ERBIN: variants seen among roughly 807,000 people sequenced by gnomAD.
The protein encoded by ERBIN is densin-180-like protein.
In ERBIN, 60 loss-of-function variants were observed where a neutral mutation model predicts 158.4. That is an observed-to-expected ratio of 0.38 (90% confidence interval 0.31 to 0.47). ERBIN has a LOEUF of 0.47. ERBIN is among the 20% of genes least tolerant of loss of function. The pLI is 0.99. For synonymous variants in ERBIN, 594 were observed against 557.2 expected (o/e 1.07, Z -0.93); for missense variants, 1,610 against 1,648.0 (o/e 0.98, Z 0.40).
chr5:66,004,566 T>A lies in ERBIN; in HGVS notation c.308-7483T>A, dbSNP rs565483765. On this transcript the variant is annotated intron_variant, in intron 4 of 25. Transcript: ENST00000284037. ...GGTGCAGGCCACCATATCTGGCTAA[T>A]TTTTTTTGGTATTTTCAGTTTACAC... is the stretch of plus-strand genomic sequence containing the variant. Among the ~76,000 whole-genome samples the A allele has an allele frequency of 9.9e-5, 15 of 152,102 alleles. No homozygotes were observed. The South Asian group carries it at 1.0e-3, about 11-fold the overall frequency.
At chr5:66,016,997 A>G (rs1206310641) in intron 7 of ERBIN, among the ~76,000 whole-genome samples, 3 of 151,966 alleles carry the variant, frequency 2.0e-5, no homozygotes, top group Non-Finnish European at 4.4e-5. Context: ...ACTTAATGTA[A>G]TGACCTCCTG....
In ERBIN at chr5:66,080,565, G is replaced by A. The variant is rs951233182; in HGVS notation, c.*2035G>A. The A allele has an allele frequency of 1.3e-5, 2 of 150,714 alleles. No individual in the cohort carries two copies. The highest frequency in any genetic ancestry group is 4.9e-5 in the African/African-American group (2 of 41,098). The allele number at this position is 150,714 out of a possible 1,614,324, so 9.3% of individuals were successfully genotyped here. On this transcript the variant is annotated 3_prime_UTR_variant, in exon 26 of 26. Transcript: ENST00000284037. ...AGTTTGTTTTTAAATATTAATTTTG[G>A]CATTCTAAAATAGCTAACATTTCTT...
intron 1 of ERBIN, among the ~76,000 whole-genome samples, chr5:65,986,579 T>A (rs1642696242): frequency 6.6e-6 from 1 of 152,250 alleles, no homozygotes; most frequent in South Asian, 2.1e-4. Flanking sequence ...AACACATAAA[T>A]GGATATTACT....
chr5:65,984,784 A>G (rs1038735062), intron 1 of ERBIN: 1 of 152,188 alleles, frequency 6.6e-6, no homozygotes, highest in Admixed American at 6.5e-5. Flanking sequence ...ATGCTAATCC[A>G]TGAAGGTGAC....
At chr5:65,988,211 AG>A (rs60672063) in intron 1 of ERBIN, among the ~76,000 whole-genome samples, 6,093 of 152,196 alleles carry the variant, frequency 0.04, 414 homozygotes, top group African/African-American at 0.14. Context: ...TCTCTAAAAA[AG>A]TTTTTTTAAA....
At chr5:66,044,465 TCCTATAAGAGTA>T in intron 17 of ERBIN, among the ~76,000 whole-genome samples, 155 bp downstream of exon 17, 1 of 152,192 alleles carries the variant, frequency 6.6e-6, no homozygotes, top group Non-Finnish European at 1.5e-5. Flanking sequence ...ATGATGGTGG[TCCTATAAGAGTA>T]TAAGGGGCTG....
chr5:65,978,008 T>G (rs1750220873), intron 1 of ERBIN, among the ~76,000 whole-genome samples: 1 of 139,428 alleles, frequency 7.2e-6, no homozygotes, highest in Non-Finnish European at 1.6e-5. Flanking sequence ...ATTTCTAGGT[T>G]GGAAACAATG....
chr5:66,036,712 A>T (rs1757432881), intron 14 of ERBIN, among the ~76,000 whole-genome samples: 1 of 152,228 alleles, frequency 6.6e-6, no homozygotes, highest in Non-Finnish European at 1.5e-5. Context: ...GACCTGTCAT[A>T]GTGCTTTGCA....
At chr5:66,046,676 A>G (rs1004352946) in intron 18 of ERBIN, 138 bp downstream of exon 18, 1 of 644,434 alleles carries the variant, frequency 1.6e-6, no homozygotes, top group Non-Finnish European at 2.5e-6. Context: ...ATCTGCAAAA[A>G]TATCACTCAC....
chr5:65,927,887 G>A (rs189991735), intron 1 of ERBIN, among the ~76,000 whole-genome samples: 1 of 152,160 alleles, frequency 6.6e-6, no homozygotes, highest in Non-Finnish European at 1.5e-5. Context: ...TGGTGTTTTA[G>A]TCTTTTTCTG....
intron 2 of ERBIN, among the ~76,000 whole-genome samples, chr5:65,991,203 C>G (rs985953021): frequency 3.9e-5 from 6 of 152,208 alleles, no homozygotes; most frequent in African/African-American, 1.4e-4. Context: ...GGAAAAATCA[C>G]TAATACCAGA....
At chr5:66,011,227 G>A (rs1754162241) in intron 4 of ERBIN, among the ~76,000 whole-genome samples, 1 of 152,164 alleles carries the variant, frequency 6.6e-6, no homozygotes, top group South Asian at 2.1e-4. Flanking sequence ...AACAGGATAG[G>A]TGCAGGAAAG....
chr5:65,967,839 T>G (rs1006707220), intron 1 of ERBIN, among the ~76,000 whole-genome samples: 6 of 152,238 alleles, frequency 3.9e-5, no homozygotes, highest in African/African-American at 1.4e-4. Flanking sequence ...TAGTTGGTTC[T>G]TGCTCAAATT....
intron 17 of ERBIN, among the ~76,000 whole-genome samples, chr5:66,046,015 G>C (rs1033250970): frequency 1.2e-4 from 18 of 152,162 alleles, no homozygotes; most frequent in Non-Finnish European, 2.6e-4. Context: ...TTACTGTACA[G>C]TCCACAATGA....
chr5:66,066,764 A>G (rs1761044473), intron 21 of ERBIN, among the ~76,000 whole-genome samples: 1 of 152,232 alleles, frequency 6.6e-6, no homozygotes, highest in South Asian at 2.1e-4. Context: ...TTCACTCGTT[A>G]TTATACAACT....
intron 1 of ERBIN, among the ~76,000 whole-genome samples, chr5:65,941,040 CAT>C (rs1249605819): frequency 1.3e-5 from 2 of 152,252 alleles, no homozygotes; most frequent in South Asian, 2.1e-4. Flanking sequence ...CTCTCTGAAA[CAT>C]GTGCTGTGTC....
chr5:66,038,420 C>G lies in ERBIN; in HGVS notation c.1244C>G (p.Ser415Ter), dbSNP rs771344178. 1.2e-6 allele frequency: 2 copies of G among 1,612,172 alleles called. No individual in the cohort carries two copies. The highest frequency in any genetic ancestry group is 2.2e-5 in the East Asian group (1 of 44,758). ...PLIPLQKETD[S>*]ETQKMVLTNY... ...ATACCTCTTCAAAAAGAAACTGATT[C>G]AGAGACCCAGAAAATGGTGCTTACC... Residue 415 changes from serine to a stop codon, truncating the protein, a stop_gained, in exon 15 of 26, where the codon TCA becomes TGA. Transcript: ENST00000284037. LOFTEE classifies it high-confidence loss of function.
At chr5:65,944,972 T>C (rs867191945) in intron 1 of ERBIN, among the ~76,000 whole-genome samples, 3 of 152,118 alleles carry the variant, frequency 2.0e-5, no homozygotes, top group Non-Finnish European at 4.4e-5. Flanking sequence ...AAAGCAAATA[T>C]CAAATTTAAA....
chr5:65,965,237 A>G (rs1190747995), intron 1 of ERBIN, among the ~76,000 whole-genome samples: 2 of 151,714 alleles, frequency 1.3e-5, no homozygotes, highest in African/African-American at 2.4e-5. Flanking sequence ...CTGTGATGTC[A>G]TCTTACATAA....
Sources: allele counts gnomAD v4.1 joint callset (sites outside exome capture counted in the v4.1 genomes callset), GRCh38; gene constraint gnomAD v4.1.1; transcripts MANE v1.5; gene names NCBI Gene and HGNC (gene_info 2026-07-23, HGNC 2026-07-21).